ZNF385D: variants seen among roughly 807,000 people sequenced by gnomAD.
ZNF385D encodes zinc finger protein 385D.
In ZNF385D, 15 loss-of-function variants were observed where a neutral mutation model predicts 35.8. The observed-to-expected ratio is 0.42, with a 90% confidence interval of 0.28 to 0.64. The LOEUF (loss-of-function observed/expected upper bound fraction) is 0.64, where lower values mean the gene tolerates loss of function less well. ZNF385D is among the 30% of genes least tolerant of loss of function. The pLI is 0.23. For missense variants in ZNF385D, 474 were observed against 494.6 expected (o/e 0.96, Z 0.39); for synonymous variants, 212 against 186.8 (o/e 1.13, Z -1.10).
At chr3:21,879,635 C>T (rs1345107970) in intron 3 of ZNF385D, among the ~76,000 whole-genome samples, 2 of 151,948 alleles carry the variant, frequency 1.3e-5, no homozygotes, top group Non-Finnish European at 2.9e-5. Context: ...TATGCCACAG[C>T]ACTTCAATTA....
At position 22,096,613 on chromosome 3, in the gene ZNF385D, G is replaced by A. The variant is rs1461256102; in HGVS notation, c.325+72204C>T. Among the ~76,000 whole-genome samples the A allele has an allele frequency of 2.0e-5, 3 of 151,868 alleles. No individual in the cohort carries two copies. In the East Asian group the frequency reaches 5.8e-4, roughly 29 times the overall value. ...CCTCCTCTATTTTCTGACCCCTTAG[G>A]GTTAAAGGCACCTATAGTTTGCCTG... On this transcript the variant is annotated intron_variant, in intron 3 of 5. Coordinates refer to the ZNF385D transcript ENST00000494108.
chr3:21,548,661 A>C (rs942341224), intron 3 of ZNF385D, among the ~76,000 whole-genome samples: 1 of 152,220 alleles, frequency 6.6e-6, no homozygotes, highest in Non-Finnish European at 1.5e-5. Flanking sequence ...CAATTCCTGA[A>C]CATGCTACTG....
At chr3:21,471,301 A>T (rs936753374) in intron 4 of ZNF385D, among the ~76,000 whole-genome samples, 563 of 41,684 alleles carry the variant, frequency 0.014, no homozygotes, top group African/African-American at 0.043. Flanking sequence ...TCTCTCACAC[A>T]CACACACACA....
chr3:22,355,250 T>C (rs984577669), intron 2 of ZNF385D, among the ~76,000 whole-genome samples: 1 of 152,018 alleles, frequency 6.6e-6, no homozygotes, highest in Non-Finnish European at 1.5e-5. Flanking sequence ...CATTAAAAAA[T>C]ACATTGTAGA....
chr3:21,901,552 G>C (rs1699414659), intron 3 of ZNF385D, among the ~76,000 whole-genome samples: 1 of 152,130 alleles, frequency 6.6e-6, no homozygotes, highest in South Asian at 2.1e-4. Context: ...CAGGCACTGT[G>C]ATATAAGCTT....
chr3:22,329,016 G>A (rs1431857557), intron 2 of ZNF385D, among the ~76,000 whole-genome samples: 1 of 146,642 alleles, frequency 6.8e-6, no homozygotes, highest in Non-Finnish European at 1.5e-5. Flanking sequence ...GGCGGAGCTT[G>A]CAGTGAGCCG....
chr3:22,196,751 G>A (rs1392033490), intron 2 of ZNF385D, among the ~76,000 whole-genome samples: 3 of 151,906 alleles, frequency 2.0e-5, no homozygotes, highest in Non-Finnish European at 4.4e-5. Flanking sequence ...AAAATACATT[G>A]TTGTCATTTT....
Position 21,670,647 on chromosome 3 carries a change from GGCGCCCCCCCCCCCCC to G in ZNF385D, c.23-5635_23-5620del, listed in dbSNP as rs1485810812. On this transcript the variant is annotated intron_variant, in intron 1 of 7. Coordinates refer to ENST00000281523, the MANE Select transcript of ZNF385D (RefSeq NM_024697.3). ...CTGAGAAATAAAAATGAAATCCTAA[GGCGCCCCCCCCCCCCC>G]CCCCCCCCCCAATGACTGAACGAAT... Among the ~76,000 whole-genome samples the G allele has an allele frequency of 1.8e-3, 29 of 15,756 alleles. 3 individuals are homozygous for G. Among genetic ancestry groups the G allele is most frequent in the South Asian group, 8.1e-3 (2 of 246 alleles). 10.3% of individuals were successfully genotyped at this position (15,756 alleles called of 152,430 possible). A position where few individuals can be genotyped will look rare whatever the true frequency, so the allele number is the denominator to read the frequency against.
chr3:21,672,111 C>T (rs907607056), intron 1 of ZNF385D, among the ~76,000 whole-genome samples: 6 of 151,976 alleles, frequency 3.9e-5, no homozygotes, highest in Non-Finnish European at 7.4e-5. Context: ...GTATGTTTAC[C>T]CATATTTCCT....
intron 1 of ZNF385D, among the ~76,000 whole-genome samples, chr3:21,683,472 G>T (rs147972755): frequency 6.7e-6 from 1 of 149,632 alleles, no homozygotes; most frequent in African/African-American, 2.5e-5. Context: ...CAAAAAATTA[G>T]CTGGTCACGG....
intron 1 of ZNF385D, among the ~76,000 whole-genome samples, chr3:21,746,131 A>G (rs2069758575): frequency 6.6e-6 from 1 of 152,224 alleles, no homozygotes. Flanking sequence ...ACTGTGACCG[A>G]ATCTTCCGGA....
intron 3 of ZNF385D, among the ~76,000 whole-genome samples, chr3:22,120,402 T>C (rs1703030302): frequency 6.6e-6 from 1 of 152,116 alleles, no homozygotes; most frequent in African/African-American, 2.4e-5. Flanking sequence ...ACACCAGTCA[T>C]GTTGGATTAA....
At chr3:21,568,847 C>T (rs1337104775) in intron 2 of ZNF385D, among the ~76,000 whole-genome samples, 2 of 151,942 alleles carry the variant, frequency 1.3e-5, no homozygotes, top group Non-Finnish European at 2.9e-5. Context: ...AGACACCAAA[C>T]GAAGAATGTA....
At chr3:22,025,024 C>T (rs1473911794) in intron 3 of ZNF385D, among the ~76,000 whole-genome samples, 1 of 152,174 alleles carries the variant, frequency 6.6e-6, no homozygotes, top group Non-Finnish European at 1.5e-5. Context: ...CAGGGGTCTA[C>T]TGTTAAAGTG....
chr3:21,468,619 T>C (rs1225752009), intron 4 of ZNF385D, among the ~76,000 whole-genome samples: 2 of 151,896 alleles, frequency 1.3e-5, no homozygotes, highest in Non-Finnish European at 2.9e-5. Context: ...CAAGAGATAC[T>C]GGTCACAAAA....
chr3:22,149,034 G>A (rs930433888), intron 3 of ZNF385D, among the ~76,000 whole-genome samples: 1 of 152,068 alleles, frequency 6.6e-6, no homozygotes, highest in African/African-American at 2.4e-5. Flanking sequence ...GCCATGGGCT[G>A]GATGGATGCT....
At chr3:22,083,887 G>A (rs1398172866) in intron 3 of ZNF385D, among the ~76,000 whole-genome samples, 1 of 152,180 alleles carries the variant, frequency 6.6e-6, no homozygotes, top group Non-Finnish European at 1.5e-5. Flanking sequence ...TGATCTCTCA[G>A]CAGAAACTCT....
intron 3 of ZNF385D, among the ~76,000 whole-genome samples, chr3:22,105,362 T>A (rs1702151711): frequency 6.6e-6 from 1 of 151,910 alleles, no homozygotes; most frequent in Non-Finnish European, 1.5e-5. Context: ...TAAACACATA[T>A]ATATCTATAT....
intron 3 of ZNF385D, among the ~76,000 whole-genome samples, chr3:22,002,621 A>G (rs902934533): frequency 6.6e-6 from 1 of 152,118 alleles, no homozygotes. Flanking sequence ...CAAGGGCACA[A>G]CAACAACTAC....
Sources: gnomAD v4.1 joint callset for allele counts (sites outside exome capture counted in the v4.1 genomes callset) on GRCh38, gnomAD v4.1.1 for gene constraint, MANE v1.5 for transcripts, NCBI Gene and HGNC (gene_info 2026-07-23, HGNC 2026-07-21) for gene names.